GPAT4: variants seen among roughly 807,000 people sequenced by gnomAD.
GPAT4 encodes the protein 1-AGP acyltransferase 6.
A neutral mutation model predicts 58.0 loss-of-function variants in GPAT4; 17 were observed. That is an observed-to-expected ratio of 0.29 (90% CI 0.20 to 0.44). GPAT4 has a LOEUF of 0.44. GPAT4 is among the 20% of genes least tolerant of loss of function. The pLI, the probability that GPAT4 is intolerant of heterozygous loss-of-function variation, is 1.00. For missense variants in GPAT4, 377 were observed against 574.5 expected, an observed-to-expected ratio of 0.66 and a Z score of 3.51; for synonymous variants, 204 against 210.1, an observed-to-expected ratio of 0.97 and a Z score of 0.25.
intron 4 of GPAT4, 195 bp downstream of exon 4, chr8:41,610,150 C>G: frequency 7.1e-7 from 1 of 1,403,246 alleles, no homozygotes; most frequent in African/African-American, 1.4e-5. Context: ...GCATATCAGA[C>G]AGAAATAGTT....
At chr8:41,606,054 C>G (rs935885911) in intron 2 of GPAT4, among the ~76,000 whole-genome samples, 2 of 152,168 alleles carry the variant, frequency 1.3e-5, no homozygotes, top group Non-Finnish European at 2.9e-5. Flanking sequence ...CGTATCTTGC[C>G]CTATGCATCT....
intron 1 of GPAT4, among the ~76,000 whole-genome samples, chr8:41,581,993 ATT>A (rs71230849): frequency 2.0e-4 from 13 of 63,604 alleles, no homozygotes; most frequent in African/African-American, 6.9e-4. Context: ...AAGTTCAATG[ATT>A]TTTTTTTTTT....
At chr8:41,605,193 A>G (rs1803224538) in intron 2 of GPAT4, among the ~76,000 whole-genome samples, 5 of 152,236 alleles carry the variant, frequency 3.3e-5, no homozygotes, top group Admixed American at 2.6e-4. Flanking sequence ...TGAAATGCAC[A>G]TAGGGGTAAG....
intron 1 of GPAT4, among the ~76,000 whole-genome samples, chr8:41,589,436 G>A (rs939388121): frequency 1.3e-5 from 2 of 151,736 alleles, no homozygotes; most frequent in South Asian, 2.1e-4. Context: ...AGACTAGCAA[G>A]GTCATGAGTG....
intron 1 of GPAT4, among the ~76,000 whole-genome samples, chr8:41,579,794 C>T (rs12547638): frequency 8.6e-5 from 13 of 151,532 alleles, no homozygotes; most frequent in South Asian, 2.1e-4. Flanking sequence ...GCCAAGATTG[C>T]GCCGCTGCAC....
chr8:41,612,583 C>T (rs760945943), intron 7 of GPAT4, among the ~76,000 whole-genome samples: 12 of 152,118 alleles, frequency 7.9e-5, no homozygotes, highest in Non-Finnish European at 7.4e-5. Flanking sequence ...CAGGGAATTG[C>T]GCTACTTTAG....
At chr8:41,600,661 T>C (rs1001926575) in intron 2 of GPAT4, among the ~76,000 whole-genome samples, 3 of 152,026 alleles carry the variant, frequency 2.0e-5, no homozygotes, top group Non-Finnish European at 2.9e-5. Context: ...GAGTGAACAG[T>C]TCAGTAGCGT....
intron 7 of GPAT4, 48 bp from the exon 8 acceptor site, chr8:41,612,797 T>C: frequency 1.3e-6 from 2 of 1,513,544 alleles, no homozygotes; most frequent in Non-Finnish European, 1.8e-6. Context: ...GTGGGGAGAT[T>C]CGTGTGAAGA....
chr8:41,611,211 C>T (rs533736535), intron 5 of GPAT4, among the ~76,000 whole-genome samples: 3 of 152,290 alleles, frequency 2.0e-5, no homozygotes, highest in South Asian at 4.1e-4. Context: ...GGCAACAGAG[C>T]GAGACTCCAT....
intron 2 of GPAT4, among the ~76,000 whole-genome samples, chr8:41,608,995 C>G (rs778233562): frequency 1.3e-5 from 2 of 152,182 alleles, no homozygotes; most frequent in South Asian, 4.1e-4. Context: ...ATGAAAATTG[C>G]TGCTTTCTTG....
intron 2 of GPAT4, among the ~76,000 whole-genome samples, chr8:41,602,472 C>T (rs1221447785): frequency 1.3e-5 from 2 of 151,998 alleles, no homozygotes; most frequent in African/African-American, 2.4e-5. Flanking sequence ...AAAGGACTGG[C>T]GTATTCCTGC....
chr8:41,593,228 T>C (rs567291800), intron 1 of GPAT4, among the ~76,000 whole-genome samples: 19 of 152,302 alleles, frequency 1.2e-4, no homozygotes, highest in African/African-American at 4.1e-4. Flanking sequence ...CTTAATCTTA[T>C]TTCAAAAACT....
rs1007561427 is a variant in GPAT4 at position 41,610,837 on chromosome 8, T to A, written c.611+27T>A. On this transcript the variant is annotated intron_variant, in intron 5 of 12. Transcript: ENST00000396987. Reference sequence around the variant, plus strand: ...TGAGTAGAGTGTGGCAGTCCATGCCTGAAGGACAGTTAGTTCTGGGAATGG... The same window carrying A: ...TGAGTAGAGTGTGGCAGTCCATGCCAGAAGGACAGTTAGTTCTGGGAATGG... The A allele has an allele frequency of 1.9e-6, 3 of 1,576,130 alleles. No individual in the cohort carries two copies. The African/African-American group carries it at 4.1e-5, about 21-fold the overall frequency.
rs761299619 is a variant in GPAT4, at chr8:41,599,342, A to C, written c.165+38A>C. On this transcript the variant is annotated intron_variant, in intron 2 of 12. Coordinates refer to ENST00000396987, the MANE Select transcript of GPAT4 (RefSeq NM_178819.4). ...GTTACAAAAGGTTGCTTCACAGAGGAGGGTAGAAGTGCATTTAGCAAAAAG... is the reference window on the plus strand; with the variant it reads ...GTTACAAAAGGTTGCTTCACAGAGGCGGGTAGAAGTGCATTTAGCAAAAAG... 5.0e-6 allele frequency: 8 copies of C among 1,602,758 alleles called. No homozygotes were observed. In the East Asian group the frequency reaches 1.6e-4, roughly 31 times the overall value.
chr8:41,596,856 T>A (rs1227589756), intron 1 of GPAT4, among the ~76,000 whole-genome samples: 1 of 152,172 alleles, frequency 6.6e-6, no homozygotes, highest in African/African-American at 2.4e-5. Flanking sequence ...TGGACTCACG[T>A]CTTCAAAAAC....
chr8:41,612,584 G>A (rs996460141), intron 7 of GPAT4, among the ~76,000 whole-genome samples: 1 of 152,166 alleles, frequency 6.6e-6, no homozygotes, highest in African/African-American at 2.4e-5. Context: ...AGGGAATTGC[G>A]CTACTTTAGT....
intron 1 of GPAT4, among the ~76,000 whole-genome samples, chr8:41,582,444 T>TACAC (rs71548104): frequency 0.19 from 27,278 of 141,386 alleles, 2,652 homozygotes; most frequent in African/African-American, 0.26. Context: ...TGGGAAAGTA[T>TACAC]ACACACACAC....
intron 4 of GPAT4, chr8:41,610,178 C>T: frequency 2.2e-6 from 3 of 1,380,962 alleles, no homozygotes; most frequent in Non-Finnish European, 2.8e-6. Flanking sequence ...TTAAAGACAG[C>T]TTGCTTCTCT....
chr8:41,582,146 G>C (rs1802532344), intron 1 of GPAT4, among the ~76,000 whole-genome samples: 1 of 151,314 alleles, frequency 6.6e-6, no homozygotes. Flanking sequence ...TGGGATTACA[G>C]GCATGCGCCA....
Sources: gnomAD v4.1 joint callset for allele counts (sites outside exome capture counted in the v4.1 genomes callset) on GRCh38, gnomAD v4.1.1 for gene constraint, MANE v1.5 for transcripts, NCBI Gene and HGNC (gene_info 2026-07-23, HGNC 2026-07-21) for gene names.